CEP131: variants seen among roughly 807,000 people sequenced by gnomAD.
CEP131 encodes the protein centrosomal protein of 131 kDa.
Under a neutral mutation model 136.8 loss-of-function variants are expected in CEP131, and 99 were observed. The ratio of observed to expected loss-of-function variants is 0.72; its 90% CI spans 0.62 to 0.86. The LOEUF (loss-of-function observed/expected upper bound fraction) is 0.86. Ranked by LOEUF, CEP131 falls within the 40% of genes least tolerant of loss-of-function variation. CEP131 has a pLI of 0.00. For synonymous variants in CEP131, 646 were observed against 612.7 expected (o/e 1.05, Z -0.80); for missense variants, 1,459 against 1,463.0 (o/e 1.00, Z 0.04).
Position 81,192,607 on chromosome 17 carries a change from G to A in CEP131, c.2430-14C>T. 2 of 1,600,032 alleles carry A rather than the reference G, an allele frequency of 1.2e-6. No individual in the cohort carries two copies. The highest frequency in any genetic ancestry group is 1.7e-6 in the Non-Finnish European group (2 of 1,178,192). On this transcript the variant is annotated splice_polypyrimidine_tract_variant and intron_variant, in intron 19 of 25. Coordinates refer to ENST00000450824, the MANE Select transcript of CEP131 (RefSeq NM_014984.4). ...TCCGCCCGCTGCCTGCGGCCAGGGA[G>A]GAGTCAGCAGGTGAGGGGTCATCGA...
At chr17:81,222,178 C>G (rs1001013986) in intron 1 of CEP131, among the ~76,000 whole-genome samples, 2 of 152,226 alleles carry the variant, frequency 1.3e-5, no homozygotes, top group African/African-American at 4.8e-5. Flanking sequence ...ATGGAAACCT[C>G]CAAGCCAGAA....
rs1164206680 is a variant in CEP131 at position 81,219,955 on chromosome 17, GC to G, written c.101del (p.Gly34AlafsTer66). On this transcript the variant is annotated frameshift_variant, in exon 2 of 26. Coordinates refer to ENST00000450824, the MANE Select transcript of CEP131 (RefSeq NM_014984.4). LOFTEE classifies it high-confidence loss of function. This position sits in a 1 kb window ranked among gnomAD's most constrained non-coding sequence, Gnocchi z 4.0. ...CGATGGGCTTGGTGGTGGCGGCACT[GC>G]CAGGACGCCGGGACACAGGCGGAGG... is the stretch of plus-strand genomic sequence containing the variant. ...GLPPPVSRRP[G>X]SAATTKPIVR... is the part of the protein sequence containing the mutation. 1 of 1,612,066 alleles carries G rather than the reference GC, an allele frequency of 6.2e-7. No individual in the cohort carries two copies. Among genetic ancestry groups the G allele is most frequent in the Non-Finnish European group, 8.5e-7 (1 of 1,179,230 alleles).
At chr17:81,196,085 G>A in intron 15 of CEP131, 134 bp from the exon 16 acceptor site, 1 of 684,984 alleles carries the variant, frequency 1.5e-6, no homozygotes, top group East Asian at 2.7e-5. Flanking sequence ...CTAGGTTTGT[G>A]GATGGACCCT....
chr17:81,202,351 A>C lies in CEP131; in HGVS notation c.677T>G (p.Phe226Cys). ...ATCEGSESSG[F>C]GKLPKNVSSA... ...GGAGACATTCTTCGGCAGCTTCCCA[A>C]AGCCGCTGCTCTCACTGCCCTCACA... The change falls in exon 7 of 26, where the codon TTT becomes TGT. Residue 226 changes from phenylalanine to cysteine, a missense_variant. Phe to Cys is a radical substitution (Grantham distance 205). Coordinates refer to ENST00000450824, the MANE Select transcript of CEP131 (RefSeq NM_014984.4). 1.2e-6 allele frequency: 2 copies of C among 1,613,572 alleles called. No individual in the cohort carries two copies. Among genetic ancestry groups the C allele is most frequent in the Non-Finnish European group, 1.7e-6 (2 of 1,179,892 alleles).
intron 2 of CEP131, among the ~76,000 whole-genome samples, chr17:81,212,316 C>T (rs1324593859): frequency 1.0e-5 from 1 of 99,360 alleles, no homozygotes; most frequent in African/African-American, 3.1e-5. Flanking sequence ...AGCAAGATTC[C>T]CTCTCAAAAA....
At chr17:81,211,946 A>G (rs1289886004) in intron 2 of CEP131, among the ~76,000 whole-genome samples, 1 of 151,586 alleles carries the variant, frequency 6.6e-6, no homozygotes, top group Non-Finnish European at 1.5e-5. Flanking sequence ...AAAAAAAAAA[A>G]AAAGAAAAAA....
rs770851022 is a variant in CEP131, at chr17:81,197,771, T to A, written c.1588A>T (p.Met530Leu). 2 of 1,613,208 alleles carry A rather than the reference T, an allele frequency of 1.2e-6. No homozygotes were observed. Among genetic ancestry groups the A allele is most frequent in the South Asian group, 2.2e-5 (2 of 91,088 alleles). Residue 530 changes from methionine to leucine, a missense_variant, in exon 13 of 26, where the codon ATG becomes TTG. By Grantham distance (15) the Met-to-Leu change is conservative. Transcript: ENST00000450824. The stretch of plus-strand genomic sequence containing the variant: ...TTCTCCATCTCGTCCAAGAAGCTCA[T>A]GATGCTTTGTAGCTTGGCCTCCGAT... ...LLSEAKLQSI[M>L]SFLDEMEKSG... is the part of the protein sequence containing the mutation.
At position 81,194,871 on chromosome 17, in the gene CEP131, T is replaced by C; in HGVS notation, c.2118A>G (p.Arg706=). The change falls in exon 17 of 26, where the codon CGA becomes CGG. Residue 706 remains arginine, a splice_region_variant and synonymous_variant. Coordinates refer to ENST00000450824, the MANE Select transcript of CEP131 (RefSeq NM_014984.4). ...GGCTCATGGGAGGGGAGGGCCCACCTCGGACAGTGACCTCCTTGATCTTCT... is the reference window on the plus strand; with the variant it reads ...GGCTCATGGGAGGGGAGGGCCCACCCCGGACAGTGACCTCCTTGATCTTCT... ...KTKKIKEVTV[R]GLEPEIQKLI... 6.2e-7 allele frequency: 1 copy of C among 1,612,824 alleles called. No individual in the cohort carries two copies.
chr17:81,194,832 C>T, intron 17 of CEP131, 38 bp downstream of exon 17: 1 of 1,553,952 alleles, frequency 6.4e-7, no homozygotes, highest in Non-Finnish European at 8.9e-7. Context: ...GCAGCACCCA[C>T]CCCACACCTG....
intron 18 of CEP131, 69 bp from the exon 19 acceptor site, chr17:81,192,912 G>A (rs1400250620): frequency 6.5e-7 from 1 of 1,538,406 alleles, no homozygotes; most frequent in Non-Finnish European, 8.7e-7. Context: ...CACCGCAGGG[G>A]CACGGGCCGA....
intron 11 of CEP131, 138 bp downstream of exon 11, chr17:81,198,739 C>T (rs2061823306): frequency 1.2e-6 from 1 of 813,478 alleles, no homozygotes; most frequent in African/African-American, 1.7e-5. Flanking sequence ...AAGACACCTC[C>T]TGGGTGGCCT....
rs900936259 is a variant in CEP131, at chr17:81,195,453, G to T, written c.2016+382C>A. Among the ~76,000 whole-genome samples the T allele has an allele frequency of 4.6e-5, 7 of 152,380 alleles. No homozygotes were observed. The East Asian group carries it at 1.4e-3, about 29-fold the overall frequency. Reference sequence around the variant, plus strand: ...GGCCCCCAGGGAGCTCACACAGCGGGAAGGGGCGGGGAGTCAATGCTCCAC... The same window carrying T: ...GGCCCCCAGGGAGCTCACACAGCGGTAAGGGGCGGGGAGTCAATGCTCCAC... On this transcript the variant is annotated intron_variant, in intron 16 of 25. Coordinates refer to ENST00000450824, the MANE Select transcript of CEP131 (RefSeq NM_014984.4).
Position 81,200,332 on chromosome 17 carries a change from C to A in CEP131, c.903G>T (p.Arg301=). 1 of 1,601,498 alleles carries A rather than the reference C, an allele frequency of 6.2e-7. No individual in the cohort carries two copies. The highest frequency in any genetic ancestry group is 2.3e-5 in the East Asian group (1 of 44,320). ...ARLEHLLQAK[R]EEQRQRSGEG... is the part of the protein sequence containing the mutation. Reference sequence around the variant, plus strand: ...TGACTGAGACGCCCACACTGACCTCCCGCTTGGCCTGAAGCAAGTGCTCCA... The same window carrying A: ...TGACTGAGACGCCCACACTGACCTCACGCTTGGCCTGAAGCAAGTGCTCCA... Residue 301 remains arginine, a synonymous_variant, in exon 8 of 26, where the codon CGG becomes CGT. Coordinates refer to ENST00000450824, the MANE Select transcript of CEP131 (RefSeq NM_014984.4).
intron 3 of CEP131, among the ~76,000 whole-genome samples, chr17:81,207,495 T>A (rs4992338): frequency 0.9 from 136,148 of 151,248 alleles, 61,794 homozygotes; most frequent in Non-Finnish European, 0.96. Flanking sequence ...AGGGCCTTAT[T>A]TGTTTTTTCT....
chr17:81,195,994 G>T, intron 15 of CEP131, 43 bp from the exon 16 acceptor site: 1 of 1,527,652 alleles, frequency 6.5e-7, no homozygotes, highest in Non-Finnish European at 9.0e-7. Context: ...CAAGGCCCCA[G>T]CCCAGCAGGA....
rs757135485 is a variant in CEP131 at position 81,194,077 on chromosome 17, G to A, written c.2170C>T (p.Arg724Trp). The change falls in exon 18 of 26, where the codon CGG (arginine) becomes TGG (tryptophan). Residue 724 changes from arginine (R) to tryptophan (W), a missense_variant. Arg to Trp is a moderately radical substitution (Grantham distance 101). This residue lies in a region of CEP131 where 1,026 missense variants were observed against 964.2 expected (regional missense o/e 1.06). Transcript: ENST00000450824. ...GCCTCGTGCAGGCTCTTGAGCCTCC[G>A]CACTTCCTGCTTGTGCCTTGCAATC... ...KLIARHKQEV[R>W]RLKSLHEAEL... 22 of 1,578,832 alleles carry A rather than the reference G, an allele frequency of 1.4e-5. No individual in the cohort carries two copies. Among genetic ancestry groups the A allele is most frequent in the Middle Eastern group, 1.7e-4 (1 of 5,926 alleles).
chr17:81,211,934 GAA>G (rs149683349), intron 2 of CEP131, among the ~76,000 whole-genome samples: 5 of 115,144 alleles, frequency 4.3e-5, no homozygotes, highest in East Asian at 2.9e-4. Flanking sequence ...CCCTGTCTCT[GAA>G]AAAAAAAAAA....
chr17:81,221,351 C>G (rs542662855), intron 1 of CEP131, among the ~76,000 whole-genome samples: 151 of 152,278 alleles, frequency 9.9e-4, no homozygotes, highest in Admixed American at 3.0e-3. Flanking sequence ...CCCGTCCCCA[C>G]ATGGCACCTC....
chr17:81,212,767 G>C (rs922396952), intron 2 of CEP131, among the ~76,000 whole-genome samples: 8 of 152,058 alleles, frequency 5.3e-5, no homozygotes, highest in African/African-American at 1.9e-4. Flanking sequence ...CAATCAGCAA[G>C]CGTCGGGGGG....
Sources: gnomAD v4.1 joint callset for allele counts (sites outside exome capture counted in the v4.1 genomes callset) on GRCh38, gnomAD v4.1.1 for gene constraint, gnomAD v4.1.1 regional missense constraint, Gnocchi (gnomAD v3.1) non-coding constraint, MANE v1.5 for transcripts, NCBI Gene and HGNC (gene_info 2026-07-23, HGNC 2026-07-21) for gene names.